CHCHD3: variants seen among roughly 807,000 people sequenced by gnomAD.
The protein encoded by CHCHD3 is MICOS complex subunit MIC19.
In CHCHD3, 20 loss-of-function variants were observed where a neutral mutation model predicts 38.2. That is an observed-to-expected ratio of 0.52 (90% CI 0.37 to 0.76). The LOEUF (loss-of-function observed/expected upper bound fraction) is 0.76. Ranked by LOEUF, CHCHD3 falls within the 30% of genes least tolerant of loss-of-function variation. The pLI is 0.00. For synonymous variants in CHCHD3, 82 were observed against 100.0 expected (o/e 0.82, Z 1.07); for missense variants, 245 against 279.2 (o/e 0.88, Z 0.87).
intron 4 of CHCHD3, among the ~76,000 whole-genome samples, chr7:132,897,984 C>T (rs999855303): frequency 1.3e-5 from 2 of 152,090 alleles, no homozygotes; most frequent in African/African-American, 4.8e-5. Context: ...CGTGGTCTCG[C>T]TGGCTCAGGA....
chr7:132,849,387 G>A (rs1012254771), intron 5 of CHCHD3: 3 of 152,188 alleles, frequency 2.0e-5, no homozygotes, highest in African/African-American at 7.2e-5. Flanking sequence ...TTTATCCTAA[G>A]TATCCCTAAA....
intron 4 of CHCHD3, among the ~76,000 whole-genome samples, chr7:132,906,069 G>T (rs1187647249): frequency 6.6e-6 from 1 of 152,108 alleles, no homozygotes; most frequent in Admixed American, 6.6e-5. Flanking sequence ...TTATAACTAT[G>T]TGAGATAAAG....
chr7:132,843,613 AAC>A (rs565065883), intron 5 of CHCHD3, among the ~76,000 whole-genome samples: 94 of 152,328 alleles, frequency 6.2e-4, no homozygotes, highest in African/African-American at 2.2e-3. Context: ...ATTGCCTAGC[AAC>A]ACCACAATGT....
chr7:132,803,183 T>TG (rs1806832559), intron 6 of CHCHD3, among the ~76,000 whole-genome samples: 1 of 152,166 alleles, frequency 6.6e-6, no homozygotes, highest in Admixed American at 6.5e-5. Flanking sequence ...ATTGCAAATT[T>TG]GAAGATTATT....
chr7:133,022,883 T>A, intron 3 of CHCHD3, among the ~76,000 whole-genome samples: 1 of 146,508 alleles, frequency 6.8e-6, no homozygotes, highest in Non-Finnish European at 1.5e-5. Flanking sequence ...CAGTGAGTTA[T>A]TTTAACAAAA....
intron 5 of CHCHD3, among the ~76,000 whole-genome samples, chr7:132,881,155 A>G (rs1393638138): frequency 6.6e-6 from 1 of 152,176 alleles, no homozygotes; most frequent in Non-Finnish European, 1.5e-5. Context: ...CTCATTCTAA[A>G]AAGGGTGAAA....
At chr7:132,789,714 C>T (rs148903349) in intron 7 of CHCHD3, among the ~76,000 whole-genome samples, 117 of 152,122 alleles carry the variant, frequency 7.7e-4, no homozygotes, top group Middle Eastern at 3.4e-3. Flanking sequence ...AGAAGAAAAG[C>T]GGTTTGTTTT....
intron 5 of CHCHD3, among the ~76,000 whole-genome samples, chr7:132,848,602 G>GT (rs1011549221): frequency 4.6e-5 from 7 of 151,898 alleles, no homozygotes; most frequent in South Asian, 4.2e-4. Flanking sequence ...AAAAGCTATG[G>GT]TTTTTTTTAA....
chr7:132,828,602 G>T (rs374819866), intron 6 of CHCHD3, among the ~76,000 whole-genome samples: 15 of 152,252 alleles, frequency 9.9e-5, no homozygotes, highest in African/African-American at 3.6e-4. Flanking sequence ...ACATTCAAAT[G>T]AGCAACAAGA....
chr7:132,885,516 GAACT>G (rs1809182653), intron 5 of CHCHD3, 142 bp downstream of exon 5: 1 of 606,794 alleles, frequency 1.6e-6, no homozygotes, highest in Admixed American at 3.7e-5. Flanking sequence ...TACAGAGGAC[GAACT>G]AACTACCTGC....
At chr7:132,835,483 C>T (rs1807756599) in intron 6 of CHCHD3, among the ~76,000 whole-genome samples, 1 of 152,160 alleles carries the variant, frequency 6.6e-6, no homozygotes, top group South Asian at 2.1e-4. Context: ...GCCTAACTTA[C>T]AGGGCCCTGC....
chr7:132,862,165 T>G (rs1808511710), intron 5 of CHCHD3, among the ~76,000 whole-genome samples: 1 of 143,810 alleles, frequency 7.0e-6, no homozygotes, highest in African/African-American at 2.6e-5. Context: ...ACGAATGAAA[T>G]AAGGCAAGGG....
At chr7:133,015,961 TGTC>T (rs59458983) in intron 3 of CHCHD3, among the ~76,000 whole-genome samples, 107,384 of 151,560 alleles carry the variant, frequency 0.71, 38,182 homozygotes, top group African/African-American at 0.75. Flanking sequence ...GGAGAGGGAC[TGTC>T]ACACACTTTT....
At chr7:132,914,715 G>A (rs899645444) in intron 4 of CHCHD3, among the ~76,000 whole-genome samples, 2 of 152,192 alleles carry the variant, frequency 1.3e-5, no homozygotes, top group Non-Finnish European at 2.9e-5. Flanking sequence ...ACATGACAGG[G>A]GTGCCTGACA....
intron 3 of CHCHD3, among the ~76,000 whole-genome samples, chr7:132,997,659 T>C (rs373953217): frequency 1.2e-5 from 1 of 81,742 alleles, no homozygotes; most frequent in Admixed American, 1.4e-4. Context: ...AACAGGGTTG[T>C]AAAAAAAAAA....
intron 1 of CHCHD3, among the ~76,000 whole-genome samples, chr7:133,075,439 T>A (rs1175063456): frequency 6.6e-6 from 1 of 152,206 alleles, no homozygotes; most frequent in Non-Finnish European, 1.5e-5. Flanking sequence ...CTCTGCCAAC[T>A]CCAAGCACTA....
At chr7:133,018,147 G>A (rs1191913784) in intron 3 of CHCHD3, among the ~76,000 whole-genome samples, 1 of 152,086 alleles carries the variant, frequency 6.6e-6, no homozygotes, top group Admixed American at 6.5e-5. Flanking sequence ...AAAATAGTGG[G>A]ACTTTTATAC....
chr7:132,877,339 T>A (rs1290299302), intron 5 of CHCHD3, among the ~76,000 whole-genome samples: 1 of 152,152 alleles, frequency 6.6e-6, no homozygotes, highest in Admixed American at 6.5e-5. Context: ...CCTACTATAC[T>A]GTATTGATAT....
At chr7:132,919,346 C>A (rs1810202704) in intron 4 of CHCHD3, among the ~76,000 whole-genome samples, 1 of 151,786 alleles carries the variant, frequency 6.6e-6, no homozygotes, top group Non-Finnish European at 1.5e-5. Flanking sequence ...CTCCTGACCT[C>A]GTGATCCGCC....
Sources: gnomAD v4.1 joint callset for allele counts (sites outside exome capture counted in the v4.1 genomes callset) on GRCh38, gnomAD v4.1.1 for gene constraint, MANE v1.5 for transcripts, NCBI Gene and HGNC (gene_info 2026-07-23, HGNC 2026-07-21) for gene names.